The following ELMO1 variants were observed in gnomAD, a reference collection of about 807,000 sequenced individuals.
ELMO1 encodes the protein engulfment and cell motility 1.
A neutral mutation model predicts 98.9 loss-of-function variants in ELMO1; 26 were observed. That is an observed-to-expected ratio of 0.26 (90% CI 0.19 to 0.36). The LOEUF (loss-of-function observed/expected upper bound fraction) is 0.36. Among genes scored for constraint, ELMO1 ranks in the 10% least tolerant of loss-of-function variants. ELMO1 has a pLI of 1.00. For synonymous variants in ELMO1, 346 were observed against 346.0 expected (o/e 1.00, Z 0.00); for missense variants, 627 against 935.2 (o/e 0.67, Z 4.30).
intron 15 of ELMO1, among the ~76,000 whole-genome samples, chr7:37,043,318 T>G (rs1795626394): frequency 6.6e-6 from 1 of 152,238 alleles, no homozygotes; most frequent in African/African-American, 2.4e-5. Context: ...CTCGTCCCTG[T>G]GCCCCAAGCA....
Position 37,067,784 on chromosome 7 carries a change from G to C in ELMO1, c.1300+28835C>G, listed in dbSNP as rs143579930. 3.2e-3 allele frequency among the ~76,000 whole-genome samples: 484 copies of C among 150,676 alleles called. 2 individuals are homozygous for C. Among genetic ancestry groups the C allele is most frequent in the Non-Finnish European group, 4.5e-3 (305 of 67,678 alleles). Reference sequence around the variant, plus strand: ...TTTTCCTGTTATTAACACCATAAAGGTTTAAAAAAAAAGCTTCTTTGAAAG... The same window carrying C: ...TTTTCCTGTTATTAACACCATAAAGCTTTAAAAAAAAAGCTTCTTTGAAAG... On this transcript the variant is annotated intron_variant, in intron 15 of 21. Coordinates refer to ENST00000310758, the MANE Select transcript of ELMO1 (RefSeq NM_014800.11).
intron 16 of ELMO1, among the ~76,000 whole-genome samples, chr7:37,007,393 C>A (rs996209273): frequency 6.6e-6 from 1 of 152,228 alleles, no homozygotes; most frequent in African/African-American, 2.4e-5. Flanking sequence ...AACGCTGAGT[C>A]CTCCCAGCTT....
chr7:37,378,308 T>A (rs1442263721), intron 1 of ELMO1, among the ~76,000 whole-genome samples: 1 of 152,248 alleles, frequency 6.6e-6, no homozygotes, highest in Non-Finnish European at 1.5e-5. Flanking sequence ...CTAGACCAGA[T>A]AAAGCTCCCC....
At chr7:37,274,560 T>G (rs1796725660) in intron 4 of ELMO1, among the ~76,000 whole-genome samples, 1 of 151,524 alleles carries the variant, frequency 6.6e-6, no homozygotes, top group South Asian at 2.1e-4. Flanking sequence ...TAGAAACAAT[T>G]TTTTTTTTCC....
At chr7:36,975,355 C>T (rs1329193448) in intron 16 of ELMO1, among the ~76,000 whole-genome samples, 1 of 151,974 alleles carries the variant, frequency 6.6e-6, no homozygotes, top group Non-Finnish European at 1.5e-5. Context: ...GCCTGTAATC[C>T]CAGCTACTTG....
chr7:37,405,908 G>A (rs1355396674), intron 1 of ELMO1, among the ~76,000 whole-genome samples: 1 of 152,160 alleles, frequency 6.6e-6, no homozygotes, highest in Non-Finnish European at 1.5e-5. Context: ...CGAGAGCATG[G>A]GTCAGAATTC....
chr7:37,184,980 T>A (rs1445544355), intron 13 of ELMO1, among the ~76,000 whole-genome samples: 1 of 152,214 alleles, frequency 6.6e-6, no homozygotes, highest in Non-Finnish European at 1.5e-5. Context: ...AATCTTCATA[T>A]CTATGAAATA....
intron 6 of ELMO1, among the ~76,000 whole-genome samples, chr7:37,245,287 A>T (rs1465327312): frequency 3.3e-5 from 5 of 152,064 alleles, no homozygotes; most frequent in Non-Finnish European, 7.4e-5. Context: ...AGGACATCTC[A>T]CTGTCCTTCT....
At chr7:37,042,267 G>T (rs964814136) in intron 15 of ELMO1, among the ~76,000 whole-genome samples, 2 of 151,112 alleles carry the variant, frequency 1.3e-5, no homozygotes, top group Admixed American at 1.3e-4. Flanking sequence ...CATATGCACT[G>T]GGAATTTGAG....
intron 14 of ELMO1, among the ~76,000 whole-genome samples, chr7:37,109,270 C>T (rs1023122200): frequency 2.6e-5 from 4 of 152,262 alleles, no homozygotes; most frequent in Middle Eastern, 3.2e-3. Flanking sequence ...GAAAACCATA[C>T]ACTCAACCTT....
At position 36,994,155 on chromosome 7, in the gene ELMO1, C is replaced by A. The variant is rs145731448; in HGVS notation, c.1437+19144G>T. 1.2e-3 allele frequency among the ~76,000 whole-genome samples: 186 copies of A among 152,282 alleles called. 1 individual carries two copies. Among genetic ancestry groups the A allele is most frequent in the East Asian group, 5.2e-3 (27 of 5,184 alleles). ...GAACCCAAGAATACAGCCTTAATGTCTTGAAAACAATAAAGTTCCATTTAT... is the reference window on the plus strand; with the variant it reads ...GAACCCAAGAATACAGCCTTAATGTATTGAAAACAATAAAGTTCCATTTAT... On this transcript the variant is annotated intron_variant, in intron 16 of 21. Transcript: ENST00000310758.
At chr7:37,415,123 T>A (rs1804158460) in intron 1 of ELMO1, among the ~76,000 whole-genome samples, 1 of 152,264 alleles carries the variant, frequency 6.6e-6, no homozygotes, top group South Asian at 2.1e-4. Context: ...CTTAGTTATA[T>A]GCATACAAAG....
chr7:37,091,354 G>C (rs777319521), intron 15 of ELMO1, among the ~76,000 whole-genome samples: 1 of 152,150 alleles, frequency 6.6e-6, no homozygotes, highest in Non-Finnish European at 1.5e-5. Flanking sequence ...TGATCCACCC[G>C]CCTCGGCCGC....
intron 15 of ELMO1, among the ~76,000 whole-genome samples, chr7:37,087,750 A>G (rs1783865401): frequency 6.6e-6 from 1 of 152,002 alleles, no homozygotes. Flanking sequence ...GGTTTTTACC[A>G]TTTATCATTA....
At chr7:37,336,878 A>G (rs10239448) in intron 2 of ELMO1, among the ~76,000 whole-genome samples, 66,661 of 151,988 alleles carry the variant, frequency 0.44, 14,848 homozygotes, top group African/African-American at 0.52. Context: ...AATACTACCA[A>G]AAGAGAGTTA....
At chr7:37,311,791 C>T (rs1034512276) in intron 4 of ELMO1, among the ~76,000 whole-genome samples, 1 of 152,170 alleles carries the variant, frequency 6.6e-6, no homozygotes, top group Non-Finnish European at 1.5e-5. Flanking sequence ...ACTCCTTAAA[C>T]TCTTCATAAA....
chr7:37,062,788 G>C (rs1562975934), intron 15 of ELMO1, among the ~76,000 whole-genome samples: 1 of 152,132 alleles, frequency 6.6e-6, no homozygotes, highest in Non-Finnish European at 1.5e-5. Context: ...CCTAAGCAAG[G>C]GAAACCACAG....
intron 21 of ELMO1, 85 bp downstream of exon 21, chr7:36,861,574 A>G: frequency 1.3e-6 from 2 of 1,488,132 alleles, no homozygotes; most frequent in Non-Finnish European, 1.8e-6. Flanking sequence ...AGGCAGGTCT[A>G]TTTTTCTTAA....
chr7:36,895,601 T>C (rs945256023), intron 16 of ELMO1, among the ~76,000 whole-genome samples: 1 of 152,180 alleles, frequency 6.6e-6, no homozygotes, highest in Non-Finnish European at 1.5e-5. Flanking sequence ...AAAAGAGGTT[T>C]ATTAAATTAG....
Sources: allele counts gnomAD v4.1 joint callset (sites outside exome capture counted in the v4.1 genomes callset), GRCh38; gene constraint gnomAD v4.1.1; transcripts MANE v1.5; gene names NCBI Gene and HGNC (gene_info 2026-07-23, HGNC 2026-07-21).